The following ST7L variants were observed in gnomAD, a reference collection of about 807,000 sequenced individuals.
The protein encoded by ST7L is suppression of tumorigenicity 7 like.
A neutral mutation model predicts 72.5 loss-of-function variants in ST7L; 57 were observed. The observed-to-expected ratio is 0.79, with a 90% CI of 0.64 to 0.98. The LOEUF (loss-of-function observed/expected upper bound fraction) is 0.98. Among genes scored for constraint, ST7L ranks in the 50% least tolerant of loss-of-function variants. ST7L has a pLI of 0.00. For synonymous variants in ST7L, 221 were observed against 240.9 expected, an observed-to-expected ratio of 0.92 and a Z score of 0.77; for missense variants, 576 against 672.2, an observed-to-expected ratio of 0.86 and a Z score of 1.58.
intron 3 of ST7L, among the ~76,000 whole-genome samples, chr1:112,604,087 C>T (rs1477897255): frequency 6.6e-6 from 1 of 152,084 alleles, no homozygotes; most frequent in Non-Finnish European, 1.5e-5. Context: ...GTGGGCAGAT[C>T]ACTTGAGGTC....
chr1:112,579,480 T>C (rs116088608), intron 9 of ST7L, among the ~76,000 whole-genome samples: 3,066 of 150,934 alleles, frequency 0.02, 107 homozygotes, highest in African/African-American at 0.071. Context: ...CCTTCACCTA[T>C]TCATAGAGAA....
chr1:112,613,128 A>G (rs1669325525), intron 2 of ST7L, among the ~76,000 whole-genome samples: 1 of 152,098 alleles, frequency 6.6e-6, no homozygotes, highest in African/African-American at 2.4e-5. Flanking sequence ...CGAAAAAAAA[A>G]AAGAGAAGAT....
At chr1:112,539,670 A>AG (rs1655789785) in intron 14 of ST7L, 17 of 958,422 alleles carry the variant, frequency 1.8e-5, no homozygotes, top group Non-Finnish European at 2.1e-5. Flanking sequence ...AAAAAAAAAA[A>AG]AAAGAAAAAG....
intron 5 of ST7L, among the ~76,000 whole-genome samples, chr1:112,594,958 G>A (rs1666223914): frequency 6.6e-6 from 1 of 152,094 alleles, no homozygotes; most frequent in Non-Finnish European, 1.5e-5. Flanking sequence ...TGTGGAAAAG[G>A]ATGGAAGTGT....
At chr1:112,597,116 G>C (rs866392223) in intron 5 of ST7L, among the ~76,000 whole-genome samples, 3 of 152,290 alleles carry the variant, frequency 2.0e-5, no homozygotes, top group South Asian at 2.1e-4. Flanking sequence ...GTTTGTGGCT[G>C]AATAAATTAA....
intron 2 of ST7L, among the ~76,000 whole-genome samples, chr1:112,611,480 G>A (rs1455473030): frequency 6.6e-6 from 1 of 152,160 alleles, no homozygotes. Flanking sequence ...TCAGCTAAAT[G>A]TGGTTAACAA....
chr1:112,603,576 G>A (rs947951416), intron 3 of ST7L, among the ~76,000 whole-genome samples: 2 of 152,318 alleles, frequency 1.3e-5, no homozygotes, highest in East Asian at 3.9e-4. Flanking sequence ...ATAGACAATG[G>A]AGAATAAGCT....
At chr1:112,565,422 C>T (rs1405627510) in intron 11 of ST7L, among the ~76,000 whole-genome samples, 2 of 151,920 alleles carry the variant, frequency 1.3e-5, no homozygotes, top group African/African-American at 2.4e-5. Context: ...ATATGTACTC[C>T]AGTTATAAGG....
Position 112,525,978 on chromosome 1 carries a change from G to C in ST7L, c.*35C>G. 6.2e-7 allele frequency: 1 copy of C among 1,612,090 alleles called. No homozygotes were observed. The highest frequency in any genetic ancestry group is 8.5e-7 in the Non-Finnish European group (1 of 1,178,634). On this transcript the variant is annotated 3_prime_UTR_variant, in exon 15 of 15. Coordinates refer to ENST00000358039, the MANE Select transcript of ST7L (RefSeq NM_017744.5). The stretch of plus-strand genomic sequence containing the variant: ...TACAGATGCTGTTCAGAAAAATTTG[G>C]TGATTTGTCCAAGGTCACATGAACA...
intron 10 of ST7L, among the ~76,000 whole-genome samples, chr1:112,577,712 T>A (rs1184040865): frequency 4.0e-5 from 6 of 151,896 alleles, no homozygotes; most frequent in Admixed American, 6.6e-5. Flanking sequence ...ATCCAGAGAA[T>A]CTCATGAAAT....
Position 112,551,138 on chromosome 1 carries a change from C to CTTTTTTTTTTTTTTTTTTTTTT in ST7L, c.1397-467_1397-446dup, listed in dbSNP as rs567601091. ...TCACCAAAGCTTTCTATGAGCAGAT[C>CTTTTTTTTTTTTTTTTTTTTTT]TTTTTTTTTTTTTTTTTTTTTTTTT... On this transcript the variant is annotated intron_variant, in intron 12 of 14. Transcript: ENST00000358039. 9.1e-5 allele frequency among the ~76,000 whole-genome samples: 7 copies of CTTTTTTTTTTTTTTTTTTTTTT among 77,224 alleles called. 1 individual carries two copies. Among genetic ancestry groups the CTTTTTTTTTTTTTTTTTTTTTT allele is most frequent in the African/African-American group, 2.5e-4 (4 of 15,784 alleles). 50.7% of individuals were successfully genotyped at this position (77,224 alleles called of 152,430 possible). A position where few individuals can be genotyped will look rare whatever the true frequency, so the allele number is the denominator to read the frequency against.
chr1:112,597,840 G>T, intron 5 of ST7L, 131 bp downstream of exon 5: 1 of 487,088 alleles, frequency 2.1e-6, no homozygotes. Context: ...ATCTGAGTTT[G>T]TTATCAATAA....
At chr1:112,531,226 AAG>A (rs1654336804) in intron 14 of ST7L, among the ~76,000 whole-genome samples, 1 of 152,244 alleles carries the variant, frequency 6.6e-6, no homozygotes, top group South Asian at 2.1e-4. Context: ...GAGGATATAA[AAG>A]AGGTATATAA....
At chr1:112,547,537 C>A (rs529228502) in intron 13 of ST7L, among the ~76,000 whole-genome samples, 1 of 141,856 alleles carries the variant, frequency 7.0e-6, no homozygotes, top group African/African-American at 2.6e-5. Flanking sequence ...TAGCACTTAA[C>A]ACATTGTCTG....
intron 14 of ST7L, among the ~76,000 whole-genome samples, chr1:112,537,774 T>C (rs915126066): frequency 5.3e-5 from 8 of 152,220 alleles, no homozygotes. Context: ...TTGCTCTGTG[T>C]CTAATGTCAG....
intron 13 of ST7L, among the ~76,000 whole-genome samples, chr1:112,545,417 A>G (rs1656886199): frequency 6.6e-6 from 1 of 152,218 alleles, no homozygotes. Context: ...ATTTTAGGCT[A>G]AATGTATTAG....
chr1:112,568,582 G>A (rs962613037), intron 11 of ST7L, among the ~76,000 whole-genome samples: 1 of 151,074 alleles, frequency 6.6e-6, no homozygotes, highest in African/African-American at 2.4e-5. Context: ...TGATTCGCCC[G>A]CCTCAGCCTC....
intron 11 of ST7L, among the ~76,000 whole-genome samples, chr1:112,563,313 G>T (rs1485611950): frequency 1.3e-5 from 2 of 152,080 alleles, no homozygotes; most frequent in Non-Finnish European, 2.9e-5. Context: ...AGGCAGTTTG[G>T]CAGTTTGAAG....
At chr1:112,573,178 A>G (rs144726631) in intron 11 of ST7L, among the ~76,000 whole-genome samples, 3,054 of 151,956 alleles carry the variant, frequency 0.02, 107 homozygotes, top group African/African-American at 0.069. Context: ...GAGAAACCCC[A>G]TCTCAACCGA....
Sources: gnomAD v4.1 joint callset for allele counts (sites outside exome capture counted in the v4.1 genomes callset) on GRCh38, gnomAD v4.1.1 for gene constraint, MANE v1.5 for transcripts, NCBI Gene and HGNC (gene_info 2026-07-23, HGNC 2026-07-21) for gene names.